The following MEIS2 variants were observed in gnomAD, a reference collection of about 807,000 sequenced individuals.
MEIS2 encodes homeobox protein Meis2.
MEIS2 carries 9 observed loss-of-function variants against 58.6 expected under a neutral mutation model. The observed-to-expected ratio is 0.15, with a 90% CI of 0.09 to 0.27. MEIS2 has a LOEUF of 0.27. Among genes scored for constraint, MEIS2 ranks in the 10% least tolerant of loss-of-function variants. The probability of loss-of-function intolerance (pLI) is 1.00; values close to 1 mark genes in which losing one functional copy is unlikely to be tolerated. For synonymous variants in MEIS2, 221 were observed against 228.4 expected (o/e 0.97, Z 0.29); for missense variants, 427 against 635.0 (o/e 0.67, Z 3.52).
intron 7 of MEIS2, among the ~76,000 whole-genome samples, chr15:37,062,057 A>G (rs1301343716): frequency 6.6e-6 from 1 of 152,202 alleles, no homozygotes; most frequent in Non-Finnish European, 1.5e-5. Context: ...TCAGAAGCCT[A>G]CTAAAGGTTT....
chr15:37,024,592 C>T (rs559982574), intron 8 of MEIS2, among the ~76,000 whole-genome samples: 23 of 152,312 alleles, frequency 1.5e-4, no homozygotes, highest in Admixed American at 4.6e-4. Context: ...TCTAACTGAG[C>T]TGTAACATCT....
intron 9 of MEIS2, among the ~76,000 whole-genome samples, chr15:36,933,778 C>T (rs374558667): frequency 6.6e-6 from 1 of 152,086 alleles, no homozygotes; most frequent in Non-Finnish European, 1.5e-5. Flanking sequence ...AAAACCACTT[C>T]AATTTATGCA....
chr15:37,006,102 G>C (rs1479845344), intron 8 of MEIS2, among the ~76,000 whole-genome samples: 6 of 152,102 alleles, frequency 3.9e-5, no homozygotes, highest in Admixed American at 3.9e-4. Flanking sequence ...CATAAACTCT[G>C]AAACAAATAA....
At chr15:36,997,481 C>A (rs2141584203) in intron 8 of MEIS2, among the ~76,000 whole-genome samples, 1 of 112,472 alleles carries the variant, frequency 8.9e-6, no homozygotes, top group African/African-American at 3.0e-5. Context: ...TGATTTCTCT[C>A]TCTCTCTCTT....
intron 8 of MEIS2, among the ~76,000 whole-genome samples, chr15:37,013,565 T>TC (rs1041330527): frequency 2.1e-5 from 3 of 143,972 alleles, no homozygotes; most frequent in Admixed American, 7.1e-5. Flanking sequence ...AGAGCAAAAC[T>TC]CCAACTCAAA....
intron 9 of MEIS2, among the ~76,000 whole-genome samples, chr15:36,912,920 C>T (rs2057106503): frequency 6.6e-6 from 1 of 152,022 alleles, no homozygotes; most frequent in Non-Finnish European, 1.5e-5. Context: ...TGTACCCGTC[C>T]CTCAGGCTGT....
At chr15:36,917,783 G>A (rs1327814774) in intron 9 of MEIS2, among the ~76,000 whole-genome samples, 2 of 152,204 alleles carry the variant, frequency 1.3e-5, no homozygotes, top group Admixed American at 6.5e-5. Flanking sequence ...AACACTTGAA[G>A]CAAATTAACA....
chr15:36,933,479 T>A (rs1194763), intron 9 of MEIS2, among the ~76,000 whole-genome samples: 267 of 152,194 alleles, frequency 1.8e-3, no homozygotes, highest in African/African-American at 6.3e-3. Flanking sequence ...ACCTGCATGG[T>A]TTAGAGACCA....
chr15:37,067,977 AT>A (rs1890184551), intron 7 of MEIS2, among the ~76,000 whole-genome samples: 1 of 152,164 alleles, frequency 6.6e-6, no homozygotes, highest in Non-Finnish European at 1.5e-5. Context: ...TATTATTCAC[AT>A]TTATGGAGCA....
At chr15:36,956,021 CAAAAAAA>C (rs757524401) in intron 8 of MEIS2, among the ~76,000 whole-genome samples, 17 of 46,602 alleles carry the variant, frequency 3.6e-4, no homozygotes, top group Admixed American at 1.5e-3. Flanking sequence ...ACTAAAAATA[CAAAAAAA>C]AAAAAAAAAA....
chr15:36,971,553 A>AAAAAAAAAAAAAAAAAAAAAAAAAAG (rs1555438306), intron 8 of MEIS2, among the ~76,000 whole-genome samples: 22 of 132,064 alleles, frequency 1.7e-4, no homozygotes, highest in African/African-American at 5.1e-4. Flanking sequence ...AAAAAAAAAA[A>AAAAAAAAAAAAAAAAAAAAAAAAAAG]AAAAAAAAAA....
chr15:37,013,886 CT>C (rs1204422632), intron 8 of MEIS2, among the ~76,000 whole-genome samples: 3 of 152,112 alleles, frequency 2.0e-5, no homozygotes, highest in African/African-American at 7.2e-5. Flanking sequence ...AGCAGGCCAC[CT>C]TACAGTATAC....
chr15:36,993,540 G>A (rs192514281), intron 8 of MEIS2, among the ~76,000 whole-genome samples: 94 of 152,134 alleles, frequency 6.2e-4, no homozygotes, highest in African/African-American at 2.2e-3. Flanking sequence ...TTTTAAGCTC[G>A]TCTTAATCTT....
At chr15:36,899,038 G>A (rs890866689) in intron 9 of MEIS2, among the ~76,000 whole-genome samples, 1 of 152,158 alleles carries the variant, frequency 6.6e-6, no homozygotes, top group Non-Finnish European at 1.5e-5. Flanking sequence ...GTTTTCACTA[G>A]GTCCTTTTAA....
chr15:37,030,314 G>A (rs899476747), intron 8 of MEIS2, among the ~76,000 whole-genome samples: 2 of 152,042 alleles, frequency 1.3e-5, no homozygotes, highest in Admixed American at 6.6e-5. Flanking sequence ...TATGGATTTC[G>A]GAAGGCAGAA....
chr15:36,904,337 A>T (rs2056620334), intron 9 of MEIS2, among the ~76,000 whole-genome samples: 1 of 148,800 alleles, frequency 6.7e-6, no homozygotes, highest in Non-Finnish European at 1.5e-5. Flanking sequence ...ATTTTTTGCA[A>T]TGCAGTAGTT....
chr15:36,904,689 AC>A (rs955731602), intron 9 of MEIS2, among the ~76,000 whole-genome samples: 14 of 151,632 alleles, frequency 9.2e-5, no homozygotes, highest in African/African-American at 3.1e-4. Flanking sequence ...ATGTTTATCC[AC>A]TGCCTGTAAT....
intron 9 of MEIS2, among the ~76,000 whole-genome samples, chr15:36,917,355 C>G (rs1211037627): frequency 2.6e-5 from 4 of 152,070 alleles, no homozygotes; most frequent in Non-Finnish European, 4.4e-5. Flanking sequence ...GCATGGAATT[C>G]TGTAGTGGTT....
intron 8 of MEIS2, among the ~76,000 whole-genome samples, chr15:37,013,489 T>G (rs1280640630): frequency 6.6e-6 from 1 of 151,534 alleles, no homozygotes; most frequent in Non-Finnish European, 1.5e-5. Flanking sequence ...GGAGAATCAC[T>G]TGAACCCAGG....
Sources: gnomAD v4.1 joint callset for allele counts (sites outside exome capture counted in the v4.1 genomes callset) on GRCh38, gnomAD v4.1.1 for gene constraint, MANE v1.5 for transcripts, NCBI Gene and HGNC (gene_info 2026-07-23, HGNC 2026-07-21) for gene names.